RIC1: variants seen among roughly 807,000 people sequenced by gnomAD.
RIC1 encodes the protein guanine nucleotide exchange factor subunit RIC1.
RIC1 carries 88 observed loss-of-function variants against 169.0 expected under a neutral mutation model. The ratio of observed to expected loss-of-function variants is 0.52; its 90% CI spans 0.44 to 0.62. RIC1 has a LOEUF of 0.62. RIC1 is among the 20% of genes least tolerant of loss of function. RIC1 has a pLI of 0.00. For synonymous variants in RIC1, 790 were observed against 601.5 expected, an observed-to-expected ratio of 1.31 and a Z score of -4.59; for missense variants, 1,877 against 1,725.5, an observed-to-expected ratio of 1.09 and a Z score of -1.56.
At chr9:5,722,845 A>C (rs1395668388) in intron 6 of RIC1, among the ~76,000 whole-genome samples, 1 of 152,154 alleles carries the variant, frequency 6.6e-6, no homozygotes, top group African/African-American at 2.4e-5. Context: ...GCTCAGAATG[A>C]TGGTTTCCAA....
intron 1 of RIC1, among the ~76,000 whole-genome samples, chr9:5,637,728 C>G (rs993934239): frequency 2.6e-5 from 4 of 152,140 alleles, no homozygotes; most frequent in African/African-American, 9.7e-5. Flanking sequence ...CTCTCTATGC[C>G]TTGCTTATTG....
intron 1 of RIC1, among the ~76,000 whole-genome samples, chr9:5,630,419 G>A (rs761467566): frequency 1.3e-5 from 2 of 152,170 alleles, no homozygotes; most frequent in Non-Finnish European, 2.9e-5. Context: ...GTGGGGATAG[G>A]TTGTGATCTT....
At chr9:5,742,301 AG>A (rs2130977644) in intron 8 of RIC1, among the ~76,000 whole-genome samples, 1 of 152,274 alleles carries the variant, frequency 6.6e-6, no homozygotes, top group East Asian at 1.9e-4. Flanking sequence ...AAAGGTCTCC[AG>A]GGTTTGGCAG....
At chr9:5,644,037 A>G (rs894181236) in intron 1 of RIC1, among the ~76,000 whole-genome samples, 3 of 151,870 alleles carry the variant, frequency 2.0e-5, no homozygotes, top group Non-Finnish European at 2.9e-5. Context: ...AAATTTGGAT[A>G]TTATTGTAGA....
chr9:5,689,921 T>C (rs767868743), intron 2 of RIC1, 38 bp from the exon 3 acceptor site: 1 of 1,356,948 alleles, frequency 7.4e-7, no homozygotes, highest in South Asian at 1.3e-5. Flanking sequence ...GTTATAGCCT[T>C]ACTCTTTAAT....
At chr9:5,760,863 T>C (rs1377884737) in intron 17 of RIC1, among the ~76,000 whole-genome samples, 2 of 152,284 alleles carry the variant, frequency 1.3e-5, no homozygotes, top group African/African-American at 4.8e-5. Flanking sequence ...AAATGATCAT[T>C]GGTAGCTTAA....
intron 2 of RIC1, among the ~76,000 whole-genome samples, chr9:5,685,960 G>A (rs1490179057): frequency 2.0e-5 from 3 of 151,846 alleles, no homozygotes; most frequent in South Asian, 4.2e-4. Flanking sequence ...TCAAAAAGTG[G>A]GCGAAGGACA....
At chr9:5,664,733 C>G (rs1054788924) in intron 2 of RIC1, among the ~76,000 whole-genome samples, 2 of 152,208 alleles carry the variant, frequency 1.3e-5, no homozygotes, top group African/African-American at 2.4e-5. Flanking sequence ...TTCTCCCCAT[C>G]TCTTTCAGGT....
chr9:5,774,585 T>G lies in RIC1; in HGVS notation c.*339T>G, dbSNP rs575262659. On this transcript the variant is annotated 3_prime_UTR_variant, in exon 26 of 26. Coordinates refer to ENST00000414202, the MANE Select transcript of RIC1 (RefSeq NM_020829.4). Reference sequence around the variant, plus strand: ...AGCTTACTTTTTCACTACTTACATCTTCTCACATTTCCCGGTTCTGCATTA... The same window carrying G: ...AGCTTACTTTTTCACTACTTACATCGTCTCACATTTCCCGGTTCTGCATTA... 75 of 184,572 alleles carry G rather than the reference T, an allele frequency of 4.1e-4. No homozygotes were observed. The South Asian group carries it at 0.012, about 29-fold the overall frequency. 11.4% of individuals were successfully genotyped at this position (184,572 alleles called of 1,614,324 possible). A position where few individuals can be genotyped will look rare whatever the true frequency, so the allele number is the denominator to read the frequency against.
At chr9:5,729,068 C>T (rs926691106) in intron 6 of RIC1, among the ~76,000 whole-genome samples, 2 of 152,128 alleles carry the variant, frequency 1.3e-5, no homozygotes, top group Non-Finnish European at 2.9e-5. Context: ...GGAAAAGAGT[C>T]CTGCAGTCCT....
At chr9:5,728,725 A>G (rs1824164657) in intron 6 of RIC1, among the ~76,000 whole-genome samples, 1 of 152,202 alleles carries the variant, frequency 6.6e-6, no homozygotes, top group Non-Finnish European at 1.5e-5. Context: ...GCCTGCTCCA[A>G]ATTAGACTGC....
At chr9:5,759,290 T>C (rs563931415) in intron 17 of RIC1, among the ~76,000 whole-genome samples, 5 of 152,314 alleles carry the variant, frequency 3.3e-5, no homozygotes, top group Admixed American at 6.5e-5. Flanking sequence ...TGAGGTGATA[T>C]AACATGAAGT....
intron 6 of RIC1, among the ~76,000 whole-genome samples, chr9:5,728,433 C>T (rs935948119): frequency 6.6e-6 from 1 of 152,208 alleles, no homozygotes; most frequent in Non-Finnish European, 1.5e-5. Context: ...TTTCCATGTA[C>T]CATCTGTCAT....
intron 6 of RIC1, among the ~76,000 whole-genome samples, chr9:5,726,370 T>G (rs1823985571): frequency 6.6e-6 from 1 of 152,216 alleles, no homozygotes; most frequent in East Asian, 1.9e-4. Flanking sequence ...ATACTAGGAT[T>G]GCAACCCCTG....
chr9:5,702,653 T>G (rs954965063), intron 3 of RIC1, among the ~76,000 whole-genome samples: 2 of 152,072 alleles, frequency 1.3e-5, no homozygotes, highest in African/African-American at 2.4e-5. Flanking sequence ...ATTCTCCTGC[T>G]TCAGCCTCCT....
chr9:5,659,241 T>A lies in RIC1; in HGVS notation c.252+2551T>A, dbSNP rs373591599. 2.6e-5 allele frequency among the ~76,000 whole-genome samples: 4 copies of A among 152,174 alleles called. No homozygotes were observed. In the East Asian group the frequency reaches 7.7e-4, roughly 29 times the overall value. On this transcript the variant is annotated intron_variant, in intron 2 of 25. Transcript: ENST00000414202. Reference sequence around the variant, plus strand: ...GGGGTTATTTCTGGATGCTCCATTCTGTTTCATTGTTATATATGTCTGTCC... The same window carrying A: ...GGGGTTATTTCTGGATGCTCCATTCAGTTTCATTGTTATATATGTCTGTCC...
At chr9:5,672,028 A>T (rs1820138219) in intron 2 of RIC1, among the ~76,000 whole-genome samples, 1 of 152,230 alleles carries the variant, frequency 6.6e-6, no homozygotes, top group Non-Finnish European at 1.5e-5. Context: ...GAGGTTGCAC[A>T]GGTGAACTCA....
chr9:5,722,511 A>G (rs1370337435), intron 6 of RIC1, among the ~76,000 whole-genome samples: 1 of 152,008 alleles, frequency 6.6e-6, no homozygotes, highest in Non-Finnish European at 1.5e-5. Flanking sequence ...AAGAACTTAC[A>G]CTGGTTTTCT....
At chr9:5,673,982 T>C (rs1820282904) in intron 2 of RIC1, among the ~76,000 whole-genome samples, 1 of 152,154 alleles carries the variant, frequency 6.6e-6, no homozygotes, top group Non-Finnish European at 1.5e-5. Flanking sequence ...AACCCTCTAC[T>C]TAAGAAACTA....
Sources: allele counts gnomAD v4.1 joint callset (sites outside exome capture counted in the v4.1 genomes callset), GRCh38; gene constraint gnomAD v4.1.1; transcripts MANE v1.5; gene names NCBI Gene and HGNC (gene_info 2026-07-23, HGNC 2026-07-21).